Variants in IQUB observed in about 807,000 individuals in gnomAD.
IQUB encodes the protein IQ motif and ubiquitin-like domain-containing protein.
Under a neutral mutation model 86.4 loss-of-function variants are expected in IQUB, and 86 were observed. The observed-to-expected ratio is 1.00, with a 90% CI of 0.84 to 1.19. IQUB has a LOEUF of 1.19. Ranked by LOEUF, IQUB falls within the 50% of genes most tolerant of loss-of-function variation. The pLI, the probability that IQUB is intolerant of heterozygous loss-of-function variation, is 0.00. For synonymous variants in IQUB, 289 were observed against 304.5 expected (o/e 0.95, Z 0.53); for missense variants, 946 against 916.9 (o/e 1.03, Z -0.41).
At position 123,512,235 on chromosome 7, in the gene IQUB, G is replaced by A. The variant is rs755772414; in HGVS notation, c.106C>T (p.Pro36Ser). Reference sequence around the variant, plus strand: ...TCTTCAGTTTGATCTGACTCTTGAGGCTCTTCTGAGGGAACTGGAATAGTG... The same window carrying A: ...TCTTCAGTTTGATCTGACTCTTGAGACTCTTCTGAGGGAACTGGAATAGTG... ...TVTIPVPSEE[P>S]QESDQTEEHE... is the part of the protein sequence containing the mutation. The change falls in exon 2 of 13, where the codon CCT (proline) becomes TCT (serine). Residue 36 changes from proline (P) to serine (S), a missense_variant. Coordinates refer to ENST00000324698, the MANE Select transcript of IQUB (RefSeq NM_178827.5). The A allele has an allele frequency of 6.2e-7, 1 of 1,613,810 alleles. No homozygotes were observed. The highest frequency in any genetic ancestry group is 8.5e-7 in the Non-Finnish European group (1 of 1,179,818).
chr7:123,487,992 T>G (rs1241117453), intron 7 of IQUB, among the ~76,000 whole-genome samples: 3 of 152,106 alleles, frequency 2.0e-5, no homozygotes, highest in African/African-American at 7.2e-5. Context: ...ACATAAACTT[T>G]TATTAATAGT....
chr7:123,478,354 T>C (rs1794839308), intron 8 of IQUB, among the ~76,000 whole-genome samples: 1 of 152,126 alleles, frequency 6.6e-6, no homozygotes, highest in South Asian at 2.1e-4. Context: ...TTCTCACTTA[T>C]AGGTGGGAAG....
intron 7 of IQUB, among the ~76,000 whole-genome samples, chr7:123,491,759 G>A (rs1199036459): frequency 6.6e-6 from 1 of 152,140 alleles, no homozygotes; most frequent in Non-Finnish European, 1.5e-5. Flanking sequence ...ATTTTATGAA[G>A]AGATCCTACT....
chr7:123,509,854 T>C (rs771503776), intron 3 of IQUB, 47 bp downstream of exon 3: 8 of 1,507,286 alleles, frequency 5.3e-6, no homozygotes, highest in African/African-American at 1.4e-5. Flanking sequence ...TGTTTACATG[T>C]TAAAACTAGA....
At chr7:123,503,391 G>A in intron 3 of IQUB, 28 bp from the exon 4 acceptor site, 1 of 1,257,714 alleles carries the variant, frequency 8.0e-7, no homozygotes, top group South Asian at 1.5e-5. Context: ...ATTTTTAAAA[G>A]TTTTATGACA....
intron 10 of IQUB, among the ~76,000 whole-genome samples, chr7:123,463,625 G>A (rs927550467): frequency 2.0e-5 from 3 of 151,712 alleles, no homozygotes; most frequent in Non-Finnish European, 4.4e-5. Context: ...CAAGGATTGG[G>A]AAGTTAGGGA....
intron 12 of IQUB, among the ~76,000 whole-genome samples, chr7:123,455,167 A>G (rs1320525247): frequency 6.6e-6 from 1 of 152,112 alleles, no homozygotes; most frequent in Non-Finnish European, 1.5e-5. Context: ...TGATGGGATG[A>G]TACATATATC....
At chr7:123,467,488 A>G (rs1161532207) in intron 9 of IQUB, among the ~76,000 whole-genome samples, 1 of 152,208 alleles carries the variant, frequency 6.6e-6, no homozygotes, top group Admixed American at 6.5e-5. Context: ...GACATCCTGA[A>G]TCAAATGACT....
At chr7:123,460,303 A>G (rs949696896) in intron 11 of IQUB, among the ~76,000 whole-genome samples, 2 of 151,994 alleles carry the variant, frequency 1.3e-5, no homozygotes, top group Non-Finnish European at 2.9e-5. Context: ...ATGCATGCCT[A>G]TATCAGGTTG....
At chr7:123,515,912 A>AG (rs1161498156) in intron 1 of IQUB, among the ~76,000 whole-genome samples, 1 of 152,164 alleles carries the variant, frequency 6.6e-6, no homozygotes, top group Admixed American at 6.5e-5. Flanking sequence ...CCAAAGCCTA[A>AG]GGGTAAAGAT....
intron 6 of IQUB, among the ~76,000 whole-genome samples, chr7:123,498,166 CA>C (rs1795787519): frequency 6.6e-6 from 1 of 151,708 alleles, no homozygotes; most frequent in Admixed American, 6.6e-5. Context: ...CTGGGTGAAC[CA>C]ATATGCTATT....
intron 7 of IQUB, among the ~76,000 whole-genome samples, chr7:123,481,977 C>T (rs543846869): frequency 1.2e-4 from 18 of 151,572 alleles, no homozygotes; most frequent in Non-Finnish European, 2.5e-4. Context: ...TTTCAGATGG[C>T]ACACTTGAAA....
At chr7:123,484,665 T>C (rs917600833) in intron 7 of IQUB, among the ~76,000 whole-genome samples, 1 of 152,078 alleles carries the variant, frequency 6.6e-6, no homozygotes, top group Non-Finnish European at 1.5e-5. Context: ...CTTTTCTAGA[T>C]AAATATTTAA....
intron 5 of IQUB, 67 bp from the exon 6 acceptor site, chr7:123,502,819 A>G (rs1465868390): frequency 3.1e-5 from 43 of 1,384,364 alleles, no homozygotes; most frequent in East Asian, 7.0e-5. Context: ...GTTTTTCTAC[A>G]TATGTGAGTT....
chr7:123,497,367 C>A (rs546056561), intron 6 of IQUB, among the ~76,000 whole-genome samples: 3 of 152,248 alleles, frequency 2.0e-5, no homozygotes, highest in African/African-American at 7.2e-5. Context: ...TCCATCTTAT[C>A]TTAAATGCCA....
rs140162407 is a variant in IQUB, at chr7:123,511,986, T to G, written c.355A>C (p.Lys119Gln). 4 of 1,611,470 alleles carry G rather than the reference T, an allele frequency of 2.5e-6. No individual in the cohort carries two copies. The African/African-American group carries it at 4.0e-5, about 16-fold the overall frequency. Residue 119 changes from lysine (K) to glutamine (Q), a missense_variant, in exon 2 of 13, where the codon AAG (lysine) becomes CAG (glutamine). By Grantham distance (53) the Lys-to-Gln change is moderately conservative. Coordinates refer to ENST00000324698, the MANE Select transcript of IQUB (RefSeq NM_178827.5). ...LAFLDKIKSV[K>Q]ESLQESVEDS... ...TCCACTGATTCTTGCAAAGATTCCT[T>G]TACAGACTTTATTTTATCCAGAAAT...
At chr7:123,482,454 C>G (rs987574411) in intron 7 of IQUB, among the ~76,000 whole-genome samples, 1 of 151,930 alleles carries the variant, frequency 6.6e-6, no homozygotes, top group Non-Finnish European at 1.5e-5. Flanking sequence ...TTACAAACTA[C>G]ATTTTTACCA....
chr7:123,469,190 C>T, intron 9 of IQUB, 24 bp downstream of exon 9: 2 of 1,435,528 alleles, frequency 1.4e-6, no homozygotes, highest in Non-Finnish European at 1.8e-6. Flanking sequence ...ACTCTACCCC[C>T]AAACTAAGAG....
chr7:123,517,940 A>G (rs912219093), intron 1 of IQUB, among the ~76,000 whole-genome samples: 1 of 152,210 alleles, frequency 6.6e-6, no homozygotes, highest in Non-Finnish European at 1.5e-5. Context: ...ATAGATACCT[A>G]AAGGGCAAGC....
Sources: allele counts gnomAD v4.1 joint callset (sites outside exome capture counted in the v4.1 genomes callset), GRCh38; gene constraint gnomAD v4.1.1; transcripts MANE v1.5; gene names NCBI Gene and HGNC (gene_info 2026-07-23, HGNC 2026-07-21).